CMPK1: variants seen among roughly 807,000 people sequenced by gnomAD.
CMPK1 encodes cytidine/uridine monophosphate kinase 1.
In CMPK1, 10 loss-of-function variants were observed where a neutral mutation model predicts 25.7. That is an observed-to-expected ratio of 0.39 (90% CI 0.24 to 0.66). CMPK1 has a LOEUF of 0.66. CMPK1 is among the 30% of genes least tolerant of loss of function. The pLI, the probability that CMPK1 is intolerant of heterozygous loss-of-function variation, is 0.48. For synonymous variants in CMPK1, 106 were observed against 101.5 expected (o/e 1.04, Z -0.27); for missense variants, 199 against 280.5 (o/e 0.71, Z 2.08).
intron 2 of CMPK1, among the ~76,000 whole-genome samples, chr1:47,370,131 A>G (rs1646668212): frequency 6.7e-6 from 1 of 149,204 alleles, no homozygotes; most frequent in Non-Finnish European, 1.5e-5. Flanking sequence ...GTTAGCCAGG[A>G]TGGTCTCCAT....
chr1:47,367,107 G>T (rs182644061), intron 1 of CMPK1, among the ~76,000 whole-genome samples: 1 of 152,268 alleles, frequency 6.6e-6, no homozygotes, highest in African/African-American at 2.4e-5. Context: ...CTGGGCTCAA[G>T]CCATCCTTCT....
chr1:47,334,239 C>G lies in CMPK1; in HGVS notation c.171+123C>G, dbSNP rs979506013. The G allele has an allele frequency of 2.0e-5, 19 of 942,390 alleles. No homozygotes were observed. In the African/African-American group the frequency reaches 3.1e-4, roughly 15 times the overall value. 58.4% of individuals were successfully genotyped at this position (942,390 alleles called of 1,614,324 possible). A position where few individuals can be genotyped will look rare whatever the true frequency, so the allele number is the denominator to read the frequency against. ...CGCAGACTACGAGTCCCGGCGGCCA[C>G]CGCGCCGCCCGCGTGGCAGTGGCCG... On this transcript the variant is annotated intron_variant, in intron 1 of 5. Coordinates refer to ENST00000371873, the MANE Select transcript of CMPK1 (RefSeq NM_016308.3).
chr1:47,339,253 A>G (rs1222966339), intron 1 of CMPK1, among the ~76,000 whole-genome samples: 1 of 151,932 alleles, frequency 6.6e-6, no homozygotes, highest in African/African-American at 2.4e-5. Flanking sequence ...CAGGTGATCC[A>G]CCTGCCTCAG....
intron 1 of CMPK1, among the ~76,000 whole-genome samples, chr1:47,352,542 T>C (rs1646530240): frequency 2.0e-5 from 3 of 151,964 alleles, no homozygotes; most frequent in Admixed American, 6.6e-5. Context: ...GGGTCACAGA[T>C]TCTCATTACT....
intron 1 of CMPK1, among the ~76,000 whole-genome samples, chr1:47,355,628 A>C (rs1306305012): frequency 1.5e-5 from 2 of 134,410 alleles, no homozygotes; most frequent in Non-Finnish European, 3.1e-5. Context: ...TTCTGGGGGG[A>C]CAGAGTCTCG....
chr1:47,356,998 C>T (rs1478290736), intron 1 of CMPK1, among the ~76,000 whole-genome samples: 1 of 141,602 alleles, frequency 7.1e-6, no homozygotes, highest in Non-Finnish European at 1.5e-5. Flanking sequence ...GAGTCTTGCC[C>T]TGTCGCCCAG....
At chr1:47,359,057 A>G (rs567800641) in intron 1 of CMPK1, among the ~76,000 whole-genome samples, 146 of 152,208 alleles carry the variant, frequency 9.6e-4, no homozygotes, top group South Asian at 5.4e-3. Flanking sequence ...GGTGGCTCAC[A>G]CCTGTAATCC....
chr1:47,334,309 G>A (rs1458898733), intron 1 of CMPK1, among the ~76,000 whole-genome samples, 193 bp downstream of exon 1: 1 of 151,982 alleles, frequency 6.6e-6, no homozygotes, highest in East Asian at 1.9e-4. Context: ...GTCCGCGCCC[G>A]CCCGCCTTGG....
chr1:47,333,979 G>T lies in CMPK1; in HGVS notation c.34G>T (p.Val12Phe), dbSNP rs1222927983. The change falls in exon 1 of 6, where the codon GTC becomes TTC. Residue 12 changes from valine to phenylalanine, a missense_variant. Physicochemically the swap from Val to Phe is conservative, Grantham distance 50 (BLOSUM62 -1). This residue lies in a region of CMPK1 where 59 missense variants were observed against 45.1 expected (regional missense o/e 1.31). Transcript: ENST00000371873. ...CCGCTGCCGCAGCGGGCTGCTCCAC[G>T]TCCTGGGCCTTAGCTTCCTGCTGCA... ...LSRCRSGLLH[V>F]LGLSFLLQTR... 1 of 1,520,298 alleles carries T rather than the reference G, an allele frequency of 6.6e-7. No homozygotes were observed. The highest frequency in any genetic ancestry group is 8.8e-7 in the Non-Finnish European group (1 of 1,130,684). The allele number at this position is 1,520,298 out of a possible 1,614,324, so 94.2% of individuals were successfully genotyped here.
chr1:47,346,856 C>G (rs1055855142), intron 1 of CMPK1, among the ~76,000 whole-genome samples: 8 of 147,540 alleles, frequency 5.4e-5, no homozygotes, highest in Non-Finnish European at 1.2e-4. Context: ...CTCCTCTCCC[C>G]TCTCCTCCCC....
chr1:47,365,633 C>CAAAAAAAA lies in CMPK1; in HGVS notation c.172-2826_172-2819dup, dbSNP rs10623948. 6.0e-3 allele frequency among the ~76,000 whole-genome samples: 653 copies of CAAAAAAAA among 108,312 alleles called. 16 individuals are homozygous for CAAAAAAAA. Among genetic ancestry groups the CAAAAAAAA allele is most frequent in the East Asian group, 0.023 (89 of 3,868 alleles). The allele number at this position is 108,312 out of a possible 152,430, so 71.1% of individuals were successfully genotyped here. On this transcript the variant is annotated intron_variant, in intron 1 of 5. Coordinates refer to ENST00000371873, the MANE Select transcript of CMPK1 (RefSeq NM_016308.3). ...TGGGTGACAGAGTGAGACCCTGTCT[C>CAAAAAAAA]AAAAAAAAAAAAAAAAAGTGAGAGA...
rs553776365 is a variant in CMPK1, at chr1:47,334,263, C to T, written c.171+147C>T. The T allele has an allele frequency of 7.3e-5, 52 of 714,954 alleles. No individual in the cohort carries two copies. In the East Asian group the frequency reaches 1.6e-3, roughly 22 times the overall value. The allele number at this position is 714,954 out of a possible 1,614,324, so 44.3% of individuals were successfully genotyped here. ...ACCGCGCCGCCCGCGTGGCAGTGGC[C>T]GAGGGCCGCCGGCGCGCGGCGTGCC... On this transcript the variant is annotated intron_variant, in intron 1 of 5. Coordinates refer to ENST00000371873, the MANE Select transcript of CMPK1 (RefSeq NM_016308.3).
Position 47,339,701 on chromosome 1 carries a change from C to CTT in CMPK1, c.171+5608_171+5609dup, listed in dbSNP as rs71053104. On this transcript the variant is annotated intron_variant, in intron 1 of 5. Coordinates refer to ENST00000371873, the MANE Select transcript of CMPK1 (RefSeq NM_016308.3). ...TGATTTCTTTTTCTTTCTTCCTTTCCTTTTTTTTTTTTTTTTTTTTTTTTA... is the reference window on the plus strand; with the variant it reads ...TGATTTCTTTTTCTTTCTTCCTTTCCTTTTTTTTTTTTTTTTTTTTTTTTTTA... Among the ~76,000 whole-genome samples, 897 of 109,778 alleles carry CTT rather than the reference C, an allele frequency of 8.2e-3. 19 individuals carry two copies. Among genetic ancestry groups the CTT allele is most frequent in the Admixed American group, 0.018 (166 of 9,040 alleles). 72.0% of individuals were successfully genotyped at this position (109,778 alleles called of 152,430 possible). A position where few individuals can be genotyped will look rare whatever the true frequency, so the allele number is the denominator to read the frequency against.
intron 1 of CMPK1, among the ~76,000 whole-genome samples, chr1:47,355,277 C>T (rs748744840): frequency 6.6e-6 from 1 of 150,912 alleles, no homozygotes; most frequent in Non-Finnish European, 1.5e-5. Flanking sequence ...AACTCCTGAC[C>T]TCAGGTGATC....
intron 1 of CMPK1, among the ~76,000 whole-genome samples, chr1:47,357,691 G>T: frequency 6.6e-6 from 1 of 151,988 alleles, no homozygotes; most frequent in Middle Eastern, 3.4e-3. Context: ...CGCCATGTTG[G>T]TCAGGCTGAT....
intron 1 of CMPK1, among the ~76,000 whole-genome samples, chr1:47,365,744 T>G (rs538891575): frequency 1.3e-5 from 2 of 152,282 alleles, no homozygotes; most frequent in Admixed American, 1.3e-4. Flanking sequence ...ATTTTGTACT[T>G]GTTGTGAACA....
intron 1 of CMPK1, among the ~76,000 whole-genome samples, chr1:47,363,566 A>T (rs1427316202): frequency 3.9e-5 from 6 of 152,100 alleles, no homozygotes; most frequent in Non-Finnish European, 5.9e-5. Flanking sequence ...TGAACCCTGG[A>T]GGTGGAGGTT....
intron 2 of CMPK1, among the ~76,000 whole-genome samples, chr1:47,369,820 A>C (rs1217646481): frequency 6.6e-6 from 1 of 150,452 alleles, no homozygotes; most frequent in Non-Finnish European, 1.5e-5. Flanking sequence ...TCAGCCTCCC[A>C]AAGTGCTGGG....
At chr1:47,334,505 G>A (rs955023678) in intron 1 of CMPK1, among the ~76,000 whole-genome samples, 2 of 152,204 alleles carry the variant, frequency 1.3e-5, no homozygotes, top group Admixed American at 6.5e-5. Context: ...CGCGGATTTG[G>A]GTTAGAGGCC....
Sources: allele counts gnomAD v4.1 joint callset (sites outside exome capture counted in the v4.1 genomes callset), GRCh38; gene constraint gnomAD v4.1.1; regional missense constraint gnomAD v4.1.1; transcripts MANE v1.5; gene names NCBI Gene and HGNC (gene_info 2026-07-23, HGNC 2026-07-21).